The following THRB variants were observed in gnomAD, a reference collection of about 807,000 sequenced individuals.
THRB encodes nuclear receptor subfamily 1 group A member 2.
In THRB, 12 loss-of-function variants were observed where a neutral mutation model predicts 47.8. The observed-to-expected ratio is 0.25, with a 90% CI of 0.16 to 0.41. The LOEUF is 0.41. Ranked by LOEUF, THRB falls within the 10% of genes least tolerant of loss-of-function variation. The probability of loss-of-function intolerance (pLI) is 1.00; values close to 1 mark genes in which losing one functional copy is unlikely to be tolerated. For synonymous variants in THRB, 218 were observed against 212.2 expected (o/e 1.03, Z -0.24); for missense variants, 348 against 589.2 (o/e 0.59, Z 4.24).
chr3:24,394,193 A>G (rs2066783821), intron 1 of THRB, among the ~76,000 whole-genome samples: 1 of 152,092 alleles, frequency 6.6e-6, no homozygotes, highest in Non-Finnish European at 1.5e-5. Context: ...GAGGTAAAAG[A>G]GTATTTGCCC....
chr3:24,327,592 C>T (rs1444566749), intron 2 of THRB, among the ~76,000 whole-genome samples: 3 of 152,188 alleles, frequency 2.0e-5, no homozygotes, highest in Non-Finnish European at 4.4e-5. Context: ...GTAAATAAAA[C>T]AGACAAAGGT....
At chr3:24,377,394 G>C (rs1436002421) in intron 1 of THRB, among the ~76,000 whole-genome samples, 1 of 151,904 alleles carries the variant, frequency 6.6e-6, no homozygotes, top group African/African-American at 2.4e-5. Context: ...TGTCCTCTTT[G>C]GCATAGGTCT....
At position 24,127,481 on chromosome 3, in the gene THRB, G is replaced by A. The variant is rs761738765; in HGVS notation, c.1144+18C>T. On this transcript the variant is annotated intron_variant, in intron 10 of 10. Transcript: ENST00000646209. ...AAAAGCTCTTTGGATGCCCACTAAC[G>A]AGTCTAGGCGTACTCACCTGAAGAC... 8.1e-6 allele frequency: 13 copies of A among 1,613,902 alleles called. No individual in the cohort carries two copies. The highest frequency in any genetic ancestry group is 6.6e-5 in the South Asian group (6 of 91,084).
At chr3:24,230,897 T>C (rs1466119) in intron 3 of THRB, among the ~76,000 whole-genome samples, 102,572 of 152,090 alleles carry the variant, frequency 0.67, 36,037 homozygotes, top group African/African-American at 0.88. Context: ...CAGAATTTAT[T>C]AGAAGTTAAA....
chr3:24,431,812 A>G (rs189087387), intron 1 of THRB, among the ~76,000 whole-genome samples: 1 of 152,128 alleles, frequency 6.6e-6, no homozygotes, highest in East Asian at 1.9e-4. Context: ...GCAGTGGAAA[A>G]TGGAAAAATT....
At chr3:24,489,988 C>T (rs1487068865) in intron 1 of THRB, among the ~76,000 whole-genome samples, 2 of 152,116 alleles carry the variant, frequency 1.3e-5, no homozygotes, top group African/African-American at 2.4e-5. Flanking sequence ...CATTAATATA[C>T]ATGGGCTATA....
chr3:24,322,225 T>C (rs1220959118), intron 2 of THRB, among the ~76,000 whole-genome samples: 1 of 152,206 alleles, frequency 6.6e-6, no homozygotes, highest in Non-Finnish European at 1.5e-5. Context: ...AGGTATACAC[T>C]TCACTTTGTC....
chr3:24,138,601 T>A (rs1278073562), intron 8 of THRB, among the ~76,000 whole-genome samples: 1 of 152,180 alleles, frequency 6.6e-6, no homozygotes, highest in Non-Finnish European at 1.5e-5. Context: ...GGCTGTCTGG[T>A]TCCAATCTCC....
chr3:24,474,235 A>C (rs1309286857), intron 1 of THRB, among the ~76,000 whole-genome samples: 1 of 152,228 alleles, frequency 6.6e-6, no homozygotes, highest in Non-Finnish European at 1.5e-5. Flanking sequence ...TGTTAAAAAT[A>C]ACATTAACAT....
chr3:24,457,538 C>A (rs541202149), intron 1 of THRB, among the ~76,000 whole-genome samples: 1 of 152,274 alleles, frequency 6.6e-6, no homozygotes, highest in African/African-American at 2.4e-5. Flanking sequence ...GACCAAAAAT[C>A]TGGATTTTTC....
chr3:24,282,728 C>A (rs1426319927), intron 3 of THRB, among the ~76,000 whole-genome samples: 1 of 148,962 alleles, frequency 6.7e-6, no homozygotes, highest in Non-Finnish European at 1.5e-5. Context: ...ATCAAATAGA[C>A]GCAATAAAAA....
intron 1 of THRB, among the ~76,000 whole-genome samples, chr3:24,414,833 A>G (rs2068612687): frequency 6.6e-6 from 1 of 151,892 alleles, no homozygotes; most frequent in African/African-American, 2.4e-5. Flanking sequence ...TTCTGGTAGA[A>G]AAAGTGATTT....
chr3:24,299,269 A>AG (rs1167771010), intron 2 of THRB, among the ~76,000 whole-genome samples: 1 of 150,550 alleles, frequency 6.6e-6, no homozygotes, highest in African/African-American at 2.4e-5. Context: ...AAAAAAAAAA[A>AG]AAAAGAAAAG....
chr3:24,259,643 T>A (rs1306572680), intron 3 of THRB, among the ~76,000 whole-genome samples: 3 of 149,286 alleles, frequency 2.0e-5, no homozygotes, highest in Non-Finnish European at 4.4e-5. Flanking sequence ...TTTTTTTTTT[T>A]AAGGAAAAAA....
intron 4 of THRB, among the ~76,000 whole-genome samples, chr3:24,220,351 T>C (rs1490980434): frequency 6.6e-6 from 1 of 151,984 alleles, no homozygotes. Flanking sequence ...ATTAGCTAGG[T>C]GTGGTGGTGA....
intron 3 of THRB, among the ~76,000 whole-genome samples, chr3:24,265,919 A>T (rs189237593): frequency 2.0e-5 from 3 of 152,102 alleles, no homozygotes; most frequent in African/African-American, 7.3e-5. Context: ...TAAGCAAATT[A>T]GTATAAGAAT....
chr3:24,148,306 T>A (rs1270403214), intron 6 of THRB, among the ~76,000 whole-genome samples: 1 of 152,140 alleles, frequency 6.6e-6, no homozygotes, highest in Non-Finnish European at 1.5e-5. Flanking sequence ...TTTGTATTTT[T>A]AGTAGAGACG....
rs1378197637 is a variant in THRB, at chr3:24,185,194, A to AAAC, written c.283+4879_283+4880insGTT. Among the ~76,000 whole-genome samples, 93 of 152,218 alleles carry AAAC rather than the reference A, an allele frequency of 6.1e-4. 1 individual carries two copies. Among genetic ancestry groups the AAAC allele is most frequent in the Non-Finnish European group, 1.1e-3 (77 of 68,030 alleles). ...GTTTAATAAAGTATGATACATCTAT[A>AAAC]AAGAAGAATAATCTATAGCCAATGA... On this transcript the variant is annotated intron_variant, in intron 5 of 10. Coordinates refer to ENST00000646209, the MANE Select transcript of THRB (RefSeq NM_001354712.2).
chr3:24,199,570 C>T (rs1283057053), intron 4 of THRB, among the ~76,000 whole-genome samples: 1 of 152,206 alleles, frequency 6.6e-6, no homozygotes, highest in Non-Finnish European at 1.5e-5. Flanking sequence ...TCCCACTTCT[C>T]TGGTTTTCCT....
Sources: allele counts gnomAD v4.1 joint callset (sites outside exome capture counted in the v4.1 genomes callset), GRCh38; gene constraint gnomAD v4.1.1; transcripts MANE v1.5; gene names NCBI Gene and HGNC (gene_info 2026-07-23, HGNC 2026-07-21).